Variants in SLC12A2 observed in about 807,000 individuals in gnomAD.
SLC12A2 encodes the protein Na-K-2Cl cotransporter 1.
SLC12A2 carries 67 observed loss-of-function variants against 136.3 expected under a neutral mutation model. The observed-to-expected ratio is 0.49, with a 90% confidence interval of 0.40 to 0.60. The LOEUF (loss-of-function observed/expected upper bound fraction) is 0.60, where lower values mean the gene tolerates loss of function less well. Ranked by LOEUF, SLC12A2 falls within the 20% of genes least tolerant of loss-of-function variation. SLC12A2 has a pLI of 0.00. For synonymous variants in SLC12A2, 619 were observed against 562.9 expected, an observed-to-expected ratio of 1.10 and a Z score of -1.41; for missense variants, 1,322 against 1,534.7, an observed-to-expected ratio of 0.86 and a Z score of 2.32.
intron 4 of SLC12A2, among the ~76,000 whole-genome samples, chr5:128,128,878 A>C (rs1761914557): frequency 6.6e-6 from 1 of 151,394 alleles, no homozygotes; most frequent in South Asian, 2.1e-4. Context: ...GTTGATTTTC[A>C]TAAGAAGTAA....
At chr5:128,117,741 G>GAA (rs1761401284) in intron 4 of SLC12A2, among the ~76,000 whole-genome samples, 2 of 152,124 alleles carry the variant, frequency 1.3e-5, no homozygotes, top group Non-Finnish European at 2.9e-5. Flanking sequence ...AAACTAAAAA[G>GAA]CTTCTGCACA....
At chr5:128,127,307 G>T (rs1761850340) in intron 4 of SLC12A2, among the ~76,000 whole-genome samples, 1 of 151,606 alleles carries the variant, frequency 6.6e-6, no homozygotes, top group Non-Finnish European at 1.5e-5. Flanking sequence ...ATTTTTAGTA[G>T]AGACGGGGTT....
chr5:128,084,722 C>T lies in SLC12A2; in HGVS notation c.756+12C>T, dbSNP rs774411091. 20 of 1,561,204 alleles carry T rather than the reference C, an allele frequency of 1.3e-5. No homozygotes were observed. In the South Asian group the frequency reaches 1.7e-4, roughly 13 times the overall value. On this transcript the variant is annotated intron_variant, in intron 1 of 26. Transcript: ENST00000262461. This position sits in a 1 kb window ranked among gnomAD's most constrained non-coding sequence, Gnocchi z 5.6. ...ACGAGCTGGAAAAGGTGAGCTCGCCCAGCCCTCCCTTCTTCCCCAGCCCCT... is the reference window on the plus strand; with the variant it reads ...ACGAGCTGGAAAAGGTGAGCTCGCCTAGCCCTCCCTTCTTCCCCAGCCCCT...
Position 128,084,153 on chromosome 5 carries a change from G to C in SLC12A2, c.199G>C (p.Gly67Arg). 7.7e-7 allele frequency: 1 copy of C among 1,297,818 alleles called. No homozygotes were observed. Among genetic ancestry groups the C allele is most frequent in the Non-Finnish European group, 9.7e-7 (1 of 1,029,956 alleles). 80.4% of individuals were successfully genotyped at this position (1,297,818 alleles called of 1,614,324 possible). Residue 67 changes from glycine (G) to arginine (R), a missense_variant, in exon 1 of 27, where the codon GGG (glycine) becomes CGG (arginine). By Grantham distance (125) the Gly-to-Arg change is moderately radical. Transcript: ENST00000262461. The surrounding 1 kb of genome is among the most constrained non-coding windows in gnomAD (Gnocchi z 5.6). ...RDEGPAAAGDGLGRPLGPTPS... is the reference protein window; with the variant it reads ...RDEGPAAAGDRLGRPLGPTPS... The stretch of plus-strand genomic sequence containing the variant: ...TGAGGGCCCCGCGGCGGCCGGGGAC[G>C]GGCTGGGCAGACCCTTGGGGCCCAC...
intron 4 of SLC12A2, among the ~76,000 whole-genome samples, chr5:128,117,486 G>A (rs1027642994): frequency 2.6e-5 from 4 of 152,072 alleles, no homozygotes; most frequent in African/African-American, 7.2e-5. Flanking sequence ...CTCAACTCAA[G>A]GTAACCAAGA....
intron 4 of SLC12A2, among the ~76,000 whole-genome samples, chr5:128,129,456 A>G (rs1264994615): frequency 1.3e-5 from 2 of 150,894 alleles, no homozygotes; most frequent in Admixed American, 1.3e-4. Context: ...CATGAGGCTA[A>G]TGTTAAATGG....
chr5:128,157,579 G>T (rs1355395075), intron 15 of SLC12A2, among the ~76,000 whole-genome samples: 1 of 152,136 alleles, frequency 6.6e-6, no homozygotes. Context: ...AGGCAAACCT[G>T]TGCTTGCAGG....
chr5:128,114,541 A>G (rs1761276255), intron 3 of SLC12A2, 45 bp from the exon 4 acceptor site: 2 of 1,330,620 alleles, frequency 1.5e-6, no homozygotes, highest in Admixed American at 3.4e-5. Context: ...CGATGAGCTT[A>G]AACAAGAGTG....
intron 15 of SLC12A2, among the ~76,000 whole-genome samples, chr5:128,154,414 CAA>C (rs755575640): frequency 1.1e-4 from 13 of 123,210 alleles, no homozygotes; most frequent in East Asian, 2.4e-4. Flanking sequence ...GACCCTGTCT[CAA>C]AAAAAAAAAA....
intron 1 of SLC12A2, among the ~76,000 whole-genome samples, chr5:128,100,350 G>A (rs1222813414): frequency 6.6e-6 from 1 of 152,172 alleles, no homozygotes; most frequent in Non-Finnish European, 1.5e-5. Context: ...AGGTGACAGA[G>A]CTAGAGTATC....
At chr5:128,086,536 C>G (rs1019590093) in intron 1 of SLC12A2, among the ~76,000 whole-genome samples, 3 of 152,128 alleles carry the variant, frequency 2.0e-5, no homozygotes, top group African/African-American at 7.2e-5. Context: ...TCTAGGATCT[C>G]AATTTTAGAT....
intron 1 of SLC12A2, among the ~76,000 whole-genome samples, chr5:128,102,914 G>A (rs1561657848): frequency 6.6e-6 from 1 of 151,964 alleles, no homozygotes; most frequent in Non-Finnish European, 1.5e-5. Context: ...GAGCCACTGT[G>A]CCCATCCCTT....
chr5:128,114,519 A>G (rs1027996431), intron 3 of SLC12A2, 67 bp from the exon 4 acceptor site: 8 of 1,088,240 alleles, frequency 7.4e-6, no homozygotes, highest in Non-Finnish European at 7.0e-6. Flanking sequence ...TAGACCAACC[A>G]GTTTTAGATA....
At chr5:128,130,959 CTTA>C in intron 4 of SLC12A2, 105 bp from the exon 5 acceptor site, 1 of 993,474 alleles carries the variant, frequency 1.0e-6, no homozygotes, top group South Asian at 1.5e-5. Flanking sequence ...AACTGCTCTG[CTTA>C]TTGGGGGCAT....
intron 1 of SLC12A2, among the ~76,000 whole-genome samples, chr5:128,112,294 G>C (rs775789907): frequency 5.9e-5 from 9 of 152,180 alleles, no homozygotes; most frequent in Non-Finnish European, 1.2e-4. Context: ...AGTCACTGCA[G>C]ACAAGGAATG....
At chr5:128,089,801 C>G (rs1760244062) in intron 1 of SLC12A2, among the ~76,000 whole-genome samples, 3 of 152,166 alleles carry the variant, frequency 2.0e-5, no homozygotes, top group Admixed American at 2.0e-4. Context: ...ACAGAATCTC[C>G]TCTAACCATG....
At chr5:128,142,951 G>A (rs939802508) in intron 10 of SLC12A2, among the ~76,000 whole-genome samples, 2 of 151,242 alleles carry the variant, frequency 1.3e-5, no homozygotes, top group Admixed American at 1.3e-4. Flanking sequence ...TGGAGTCTGA[G>A]ATTTTGGTGC....
intron 20 of SLC12A2, among the ~76,000 whole-genome samples, chr5:128,176,165 C>T (rs922574257): frequency 7.2e-5 from 11 of 151,852 alleles, no homozygotes; most frequent in Admixed American, 3.3e-4. Context: ...AAAAGAACAC[C>T]CTTCAAATAC....
intron 16 of SLC12A2, among the ~76,000 whole-genome samples, chr5:128,158,745 T>C (rs1176264232): frequency 6.6e-6 from 1 of 152,178 alleles, no homozygotes; most frequent in African/African-American, 2.4e-5. Flanking sequence ...AGTCGAATGA[T>C]AGTTCTGCTT....
Sources: allele counts gnomAD v4.1 joint callset (sites outside exome capture counted in the v4.1 genomes callset), GRCh38; gene constraint gnomAD v4.1.1; non-coding constraint Gnocchi (gnomAD v3.1); transcripts MANE v1.5; gene names NCBI Gene and HGNC (gene_info 2026-07-23, HGNC 2026-07-21).